Variants in CRIPT observed in about 807,000 individuals in gnomAD.
CRIPT encodes the protein cysteine-rich PDZ-binding protein.
Under a neutral mutation model 16.6 loss-of-function variants are expected in CRIPT, and 20 were observed. That is an observed-to-expected ratio of 1.20 (90% CI 0.85 to 1.75). CRIPT has a LOEUF of 1.75. Among genes scored for constraint, CRIPT ranks in the 40% most tolerant of loss-of-function variants. The pLI is 0.00. For missense variants in CRIPT, 133 were observed against 115.3 expected (o/e 1.15, Z -0.70); for synonymous variants, 42 against 37.0 (o/e 1.14, Z -0.49).
chr2:46,628,122 T>TC lies in CRIPT; in HGVS notation c.*3895_*3896insC, dbSNP rs1670986080. Among the ~76,000 whole-genome samples, 1 of 151,416 alleles carries TC rather than the reference T, an allele frequency of 6.6e-6. No individual in the cohort carries two copies. The highest frequency in any genetic ancestry group is 2.4e-5 in the African/African-American group (1 of 41,126). On this transcript the variant is annotated 3_prime_UTR_variant, in exon 5 of 5. Transcript: ENST00000238892. Reference sequence around the variant, plus strand: ...TAGAATGGATTTTTTCTTTTTTTTTTTTTTTGAGACGGAGTCTTGCTGTGT... The same window carrying TC: ...TAGAATGGATTTTTTCTTTTTTTTTTCTTTTTGAGACGGAGTCTTGCTGTGT...
At position 46,623,874 on chromosome 2, in the gene CRIPT, T is replaced by C. The variant is rs192909311; in HGVS notation, c.241+7T>C. The C allele has an allele frequency of 2.0e-4, 311 of 1,574,276 alleles. No individual in the cohort carries two copies. In the African/African-American group the frequency reaches 3.2e-3, roughly 16 times the overall value. ...GGCTGTGCCTACAAAAAAGGTAAGT[T>C]TCTTTTAATACCGTTTTCTATTCAT... On this transcript the variant is annotated splice_region_variant and intron_variant, in intron 4 of 4. Transcript: ENST00000238892.
intron 3 of CRIPT, among the ~76,000 whole-genome samples, chr2:46,622,401 A>C (rs1670833780): frequency 6.6e-6 from 1 of 152,072 alleles, no homozygotes; most frequent in South Asian, 2.1e-4. Context: ...CCAAGGTTAC[A>C]ATGTGTATTT....
intron 1 of CRIPT, 58 bp from the exon 2 acceptor site, chr2:46,618,715 G>A: frequency 8.9e-7 from 1 of 1,122,838 alleles, no homozygotes; most frequent in Non-Finnish European, 1.3e-6. Context: ...TAGGCACAAT[G>A]TAATGCACTT....
At chr2:46,621,941 A>G (rs1206752442) in intron 3 of CRIPT, among the ~76,000 whole-genome samples, 1 of 152,226 alleles carries the variant, frequency 6.6e-6, no homozygotes, top group African/African-American at 2.4e-5. Context: ...TTACTCTGAT[A>G]TCATTAAAAA....
At position 46,618,983 on chromosome 2, in the gene CRIPT, AT is replaced by A. The variant is rs1234537140; in HGVS notation, c.82+148del. 32 of 526,828 alleles carry A rather than the reference AT, an allele frequency of 6.1e-5. No homozygotes were observed. In the African/African-American group the frequency reaches 6.1e-4, roughly 10 times the overall value. 32.6% of individuals were successfully genotyped at this position (526,828 alleles called of 1,614,324 possible). A position where few individuals can be genotyped will look rare whatever the true frequency, so the allele number is the denominator to read the frequency against. On this transcript the variant is annotated intron_variant, in intron 2 of 4. Coordinates refer to ENST00000238892, the MANE Select transcript of CRIPT (RefSeq NM_014171.6). ...TTAAAGAATACTGGGTCCTCAAGTG[AT>A]TTAATATCTTCTATTTAGTTCTCAG...
chr2:46,627,466 C>G lies in CRIPT; in HGVS notation c.*3239C>G, dbSNP rs1383298929. 1.3e-5 allele frequency among the ~76,000 whole-genome samples: 2 copies of G among 148,768 alleles called. No individual in the cohort carries two copies. Among genetic ancestry groups the G allele is most frequent in the Non-Finnish European group, 3.0e-5 (2 of 67,430 alleles). On this transcript the variant is annotated 3_prime_UTR_variant, in exon 5 of 5. Coordinates refer to ENST00000238892, the MANE Select transcript of CRIPT (RefSeq NM_014171.6). ...CTTTTTTTTTTTTTTTCCCCAAAGACAGAGTCTCCTTCTGTTGCCCAGGCT... is the reference window on the plus strand; with the variant it reads ...CTTTTTTTTTTTTTTTCCCCAAAGAGAGAGTCTCCTTCTGTTGCCCAGGCT...
intron 3 of CRIPT, among the ~76,000 whole-genome samples, chr2:46,620,960 C>T (rs143745149): frequency 3.3e-5 from 5 of 152,120 alleles, no homozygotes; most frequent in African/African-American, 7.2e-5. Context: ...CCCTATCCAT[C>T]AGCAAGTTCT....
At position 46,624,392 on chromosome 2, in the gene CRIPT, G is replaced by T; in HGVS notation, c.*165G>T. 2.5e-6 allele frequency: 1 copy of T among 396,420 alleles called. No homozygotes were observed. Among genetic ancestry groups the T allele is most frequent in the East Asian group, 3.7e-5 (1 of 26,810 alleles). 24.6% of individuals were successfully genotyped at this position (396,420 alleles called of 1,614,324 possible). A position where few individuals can be genotyped will look rare whatever the true frequency, so the allele number is the denominator to read the frequency against. ...CTCTCATGTTCTAAACAGCAACAGT[G>T]TAACTAGTCTTTTGTTGTAAATGGT... On this transcript the variant is annotated 3_prime_UTR_variant, in exon 5 of 5. Coordinates refer to ENST00000238892, the MANE Select transcript of CRIPT (RefSeq NM_014171.6).
intron 2 of CRIPT, among the ~76,000 whole-genome samples, chr2:46,619,150 T>C (rs1417778100): frequency 6.6e-6 from 1 of 152,192 alleles, no homozygotes; most frequent in East Asian, 1.9e-4. Context: ...TTCTGCACTC[T>C]TCTGAGGAGA....
In CRIPT at chr2:46,625,835, A is replaced by G. The variant is rs983982037; in HGVS notation, c.*1608A>G. The stretch of plus-strand genomic sequence containing the variant: ...CCTGGTCAGAGAGCATCCCAGATCC[A>G]TTAAAGATTGGATTCATTGACTTGG... On this transcript the variant is annotated 3_prime_UTR_variant, in exon 5 of 5. Coordinates refer to ENST00000238892, the MANE Select transcript of CRIPT (RefSeq NM_014171.6). 1.1e-4 allele frequency: 17 copies of G among 152,222 alleles called. No individual in the cohort carries two copies. The highest frequency in any genetic ancestry group is 4.1e-4 in the African/African-American group (17 of 41,464). The allele number at this position is 152,222 out of a possible 1,614,324, so 9.4% of individuals were successfully genotyped here. A position where few individuals can be genotyped will look rare whatever the true frequency, so the allele number is the denominator to read the frequency against.
intron 3 of CRIPT, among the ~76,000 whole-genome samples, chr2:46,622,102 G>C (rs1440619251): frequency 1.3e-5 from 2 of 152,172 alleles, no homozygotes; most frequent in East Asian, 1.9e-4. Context: ...GGGTGCGGTG[G>C]CTCACGCCTG....
In CRIPT at chr2:46,627,414, T is replaced by C. The variant is rs1010594516; in HGVS notation, c.*3187T>C. On this transcript the variant is annotated 3_prime_UTR_variant, in exon 5 of 5. Transcript: ENST00000238892. ...TTTCGTAGGTTTTCTTCTAGGACTC[T>C]TATAGCTTGAAGTCTTACATTTAAA... 2.0e-5 allele frequency among the ~76,000 whole-genome samples: 3 copies of C among 152,090 alleles called. No individual in the cohort carries two copies. Among genetic ancestry groups the C allele is most frequent in the Non-Finnish European group, 4.4e-5 (3 of 68,008 alleles).
rs560631077 is a variant in CRIPT at position 46,628,337 on chromosome 2, C to G, written c.*4110C>G. ...ATCTTAGCCAGGCTGGTCTTGAACTCCTGACGTTGTGATCCACCCGCCTCA... is the reference window on the plus strand; with the variant it reads ...ATCTTAGCCAGGCTGGTCTTGAACTGCTGACGTTGTGATCCACCCGCCTCA... On this transcript the variant is annotated 3_prime_UTR_variant, in exon 5 of 5. Transcript: ENST00000238892. 1.3e-5 allele frequency among the ~76,000 whole-genome samples: 2 copies of G among 151,878 alleles called. No homozygotes were observed.
At chr2:46,618,332 C>T (rs1670718124) in intron 1 of CRIPT, among the ~76,000 whole-genome samples, 1 of 152,040 alleles carries the variant, frequency 6.6e-6, no homozygotes. Context: ...GTGTACAACT[C>T]CACCTTGTTC....
intron 3 of CRIPT, among the ~76,000 whole-genome samples, chr2:46,620,265 A>G (rs749827587): frequency 6.6e-5 from 10 of 152,166 alleles, no homozygotes; most frequent in South Asian, 2.1e-4. Context: ...CCTGGGCAAC[A>G]TGTGAAACCC....
In CRIPT at chr2:46,618,754, T is replaced by C. The variant is rs1301732930; in HGVS notation, c.17-19T>C. 1.0e-5 allele frequency: 16 copies of C among 1,541,420 alleles called. No individual in the cohort carries two copies. The highest frequency in any genetic ancestry group is 1.4e-5 in the Non-Finnish European group (16 of 1,122,268). ...AAATAATAAAGTTTAATTTTCCTTT[T>C]ACTATCTTGTTCTAACAGGTGAAAA... On this transcript the variant is annotated intron_variant, in intron 1 of 4. Transcript: ENST00000238892.
Position 46,630,171 on chromosome 2 carries a change from T to C in CRIPT, c.*5944T>C, listed in dbSNP as rs1401259726. On this transcript the variant is annotated 3_prime_UTR_variant, in exon 5 of 5. Transcript: ENST00000238892. Reference sequence around the variant, plus strand: ...AATCAGAAAATTAACATTAATACTTTACTATTATCAAATCTTTTTCATATT... The same window carrying C: ...AATCAGAAAATTAACATTAATACTTCACTATTATCAAATCTTTTTCATATT... Among the ~76,000 whole-genome samples the C allele has an allele frequency of 1.3e-5, 2 of 151,906 alleles. No homozygotes were observed. The highest frequency in any genetic ancestry group is 2.9e-5 in the Non-Finnish European group (2 of 68,020).
chr2:46,618,622 T>G, intron 1 of CRIPT, 151 bp from the exon 2 acceptor site: 28 of 477,668 alleles, frequency 5.9e-5, no homozygotes, highest in Middle Eastern at 4.7e-4. Flanking sequence ...ACAGTTAATA[T>G]GAGTCTCAGT....
At chr2:46,619,738 C>G in intron 3 of CRIPT, 57 bp downstream of exon 3, 3 of 1,337,948 alleles carry the variant, frequency 2.2e-6, no homozygotes, top group Non-Finnish European at 3.2e-6. Flanking sequence ...AGTATTAAGT[C>G]TGCTGGAGTG....
Sources: gnomAD v4.1 joint callset for allele counts (sites outside exome capture counted in the v4.1 genomes callset) on GRCh38, gnomAD v4.1.1 for gene constraint, MANE v1.5 for transcripts, NCBI Gene and HGNC (gene_info 2026-07-23, HGNC 2026-07-21) for gene names.